Variants in CFAP20DC observed in about 807,000 individuals in gnomAD.
The protein encoded by CFAP20DC is CFAP20 domain containing, also known as protein CFAP20DC.
Under a neutral mutation model 101.7 loss-of-function variants are expected in CFAP20DC, and 84 were observed. The ratio of observed to expected loss-of-function variants is 0.83; its 90% CI spans 0.69 to 0.99. The LOEUF (loss-of-function observed/expected upper bound fraction) is 0.99, where lower values mean the gene tolerates loss of function less well. Ranked by LOEUF, CFAP20DC falls within the 50% of genes least tolerant of loss-of-function variation. CFAP20DC has a pLI of 0.00. For synonymous variants in CFAP20DC, 359 were observed against 351.2 expected (o/e 1.02, Z -0.25); for missense variants, 1,007 against 970.3 (o/e 1.04, Z -0.50).
chr3:59,046,928 C>T lies in CFAP20DC; in HGVS notation c.111+237G>A, dbSNP rs966352967. On this transcript the variant is annotated intron_variant, in intron 2 of 16. Coordinates refer to ENST00000482387, the MANE Select transcript of CFAP20DC (RefSeq NM_001394063.1). The stretch of plus-strand genomic sequence containing the variant: ...AGATTTTTCTTACAGATACTGAAGT[C>T]ATCTAAAATGATACACAGCAGGGCA... Among the ~76,000 whole-genome samples the T allele has an allele frequency of 3.9e-5, 6 of 152,182 alleles. No homozygotes were observed. In the South Asian group the frequency reaches 8.3e-4, roughly 21 times the overall value.
Position 58,728,215 on chromosome 3 carries a change from G to A in CFAP20DC, c.198-10587C>T, listed in dbSNP as rs148804184. 6.6e-6 allele frequency: 1 copy of A among 152,194 alleles called. No homozygotes were observed. 9.4% of individuals were successfully genotyped at this position (152,194 alleles called of 1,614,324 possible). A position where few individuals can be genotyped will look rare whatever the true frequency, so the allele number is the denominator to read the frequency against. On this transcript the variant is annotated intron_variant, in intron 3 of 3. Transcript: ENST00000486145. The surrounding 1 kb of genome is among the most constrained non-coding windows in gnomAD (Gnocchi z 4.7). ...TTCTGGTAAGTGGGCTAAGTCTATA[G>A]TAACATGTTATTATAATTAAATAAC...
chr3:58,820,712 T>C (rs1182654942), intron 14 of CFAP20DC, among the ~76,000 whole-genome samples: 21 of 148,796 alleles, frequency 1.4e-4, no homozygotes, highest in East Asian at 1.2e-3. Context: ...AAAATGGCCA[T>C]ACTGCCCAAG....
At chr3:58,941,315 G>A (rs1360505361) in intron 4 of CFAP20DC, among the ~76,000 whole-genome samples, 3 of 107,374 alleles carry the variant, frequency 2.8e-5, no homozygotes, top group South Asian at 3.3e-4. Context: ...GCGACAGAGC[G>A]AGACTCCGTC....
intron 15 of CFAP20DC, among the ~76,000 whole-genome samples, chr3:58,765,507 A>AAAAACAAAAAAAAAAAAAAAAC (rs1553651634): frequency 6.8e-6 from 1 of 146,584 alleles, no homozygotes; most frequent in African/African-American, 2.5e-5. Context: ...AAAAAAAAAA[A>AAAAACAAAAAAAAAAAAAAAAC]CAAACAGAAA....
rs902754220 is a variant in CFAP20DC, at chr3:58,893,039, A to G, written c.551-8330T>C. On this transcript the variant is annotated intron_variant, in intron 6 of 16. Transcript: ENST00000482387. Reference sequence around the variant, plus strand: ...TGGTTTATTGAGAGTTTTTAACATGAAGGATTTTTTTTTTTTTTTTTTGAG... The same window carrying G: ...TGGTTTATTGAGAGTTTTTAACATGGAGGATTTTTTTTTTTTTTTTTTGAG... 5.3e-5 allele frequency among the ~76,000 whole-genome samples: 8 copies of G among 149,974 alleles called. No individual in the cohort carries two copies. In the East Asian group the frequency reaches 1.6e-3, roughly 29 times the overall value.
At chr3:58,926,363 C>A (rs369006002) in intron 5 of CFAP20DC, among the ~76,000 whole-genome samples, 2 of 149,956 alleles carry the variant, frequency 1.3e-5, no homozygotes, top group African/African-American at 4.9e-5. Flanking sequence ...GCGTGAGACT[C>A]CATTAAAAAA....
intron 4 of CFAP20DC, among the ~76,000 whole-genome samples, chr3:59,038,316 T>C (rs2094139538): frequency 1.3e-5 from 2 of 151,934 alleles, no homozygotes; most frequent in Admixed American, 6.6e-5. Flanking sequence ...AAAAGAAGAA[T>C]GTGAAGAAAT....
chr3:58,965,564 C>A (rs993435623), intron 4 of CFAP20DC, among the ~76,000 whole-genome samples: 14 of 151,980 alleles, frequency 9.2e-5, no homozygotes, highest in Admixed American at 6.6e-5. Context: ...ATTTACTTAT[C>A]CTGTCTGAGC....
intron 4 of CFAP20DC, among the ~76,000 whole-genome samples, chr3:58,993,773 T>C (rs1276165882): frequency 1.3e-5 from 2 of 152,222 alleles, no homozygotes; most frequent in South Asian, 4.1e-4. Flanking sequence ...TGTTCCTTTT[T>C]ATGGCTGCAT....
chr3:58,984,609 T>G (rs1415568826), intron 4 of CFAP20DC, among the ~76,000 whole-genome samples: 4 of 152,202 alleles, frequency 2.6e-5, no homozygotes, highest in Non-Finnish European at 5.9e-5. Context: ...TAAAGACTCT[T>G]GAATTGCTCA....
chr3:58,839,418 A>C (rs1400768570), intron 13 of CFAP20DC, among the ~76,000 whole-genome samples: 1 of 152,180 alleles, frequency 6.6e-6, no homozygotes, highest in Non-Finnish European at 1.5e-5. Context: ...TAAAGTAAGG[A>C]GCACCTTGTG....
At chr3:59,018,479 T>C (rs940682229) in intron 4 of CFAP20DC, 3 of 152,084 alleles carry the variant, frequency 2.0e-5, no homozygotes, top group Non-Finnish European at 2.9e-5. Context: ...ACATCAGCTG[T>C]AAACATCATA....
At chr3:58,830,588 T>C (rs1304948063) in intron 14 of CFAP20DC, among the ~76,000 whole-genome samples, 5 of 152,250 alleles carry the variant, frequency 3.3e-5, no homozygotes, top group Non-Finnish European at 7.3e-5. Context: ...AAAATTCATA[T>C]GTATTTAATT....
intron 3 of CFAP20DC, among the ~76,000 whole-genome samples, chr3:58,735,486 C>T (rs1290740017): frequency 6.6e-6 from 1 of 152,212 alleles, no homozygotes; most frequent in African/African-American, 2.4e-5. Context: ...CTACCATGTG[C>T]CTTTGGGAAT....
chr3:58,790,046 T>C (rs924020127), intron 15 of CFAP20DC, among the ~76,000 whole-genome samples: 4 of 152,180 alleles, frequency 2.6e-5, no homozygotes, highest in Non-Finnish European at 5.9e-5. Context: ...ATTATTCTTA[T>C]TAATATTGAT....
At chr3:58,970,662 G>A (rs2091898324) in intron 4 of CFAP20DC, 1 of 152,096 alleles carries the variant, frequency 6.6e-6, no homozygotes, top group African/African-American at 2.4e-5. Context: ...CATCAGTCTT[G>A]AAGAAAAAGG....
chr3:58,966,888 A>G (rs1423905331), intron 4 of CFAP20DC, among the ~76,000 whole-genome samples: 2 of 152,204 alleles, frequency 1.3e-5, no homozygotes, highest in Non-Finnish European at 2.9e-5. Context: ...GGACTGGAAG[A>G]CAATATTTTT....
At position 58,897,202 on chromosome 3, in the gene CFAP20DC, C is replaced by T. The variant is rs1051304366; in HGVS notation, c.551-12493G>A. Among the ~76,000 whole-genome samples, 1 of 152,126 alleles carries T rather than the reference C, an allele frequency of 6.6e-6. No homozygotes were observed. Among genetic ancestry groups the T allele is most frequent in the African/African-American group, 2.4e-5 (1 of 41,414 alleles). On this transcript the variant is annotated intron_variant, in intron 6 of 16. Transcript: ENST00000482387. The surrounding 1 kb of genome is among the most constrained non-coding windows in gnomAD (Gnocchi z 4.4). The stretch of plus-strand genomic sequence containing the variant: ...TATTTGTCAGAAACTAGGATTGCAA[C>T]CCCTGCTTTTTTCTGTTTTCCATTT...
chr3:58,945,196 G>C (rs1174913603), intron 4 of CFAP20DC, among the ~76,000 whole-genome samples: 1 of 152,176 alleles, frequency 6.6e-6, no homozygotes, highest in Non-Finnish European at 1.5e-5. Flanking sequence ...ATTCAGCAGA[G>C]TGCAGATTTA....
Sources: allele counts gnomAD v4.1 joint callset (sites outside exome capture counted in the v4.1 genomes callset), GRCh38; gene constraint gnomAD v4.1.1; non-coding constraint Gnocchi (gnomAD v3.1); transcripts MANE v1.5; gene names NCBI Gene and HGNC (gene_info 2026-07-23, HGNC 2026-07-21).